GTPBP1: variants seen among roughly 807,000 people sequenced by gnomAD.
The protein encoded by GTPBP1 is GTP binding protein 1.
GTPBP1 carries 23 observed loss-of-function variants against 62.0 expected under a neutral mutation model. That is an observed-to-expected ratio of 0.37 (90% CI 0.27 to 0.53). The LOEUF (loss-of-function observed/expected upper bound fraction) is 0.53, where lower values mean the gene tolerates loss of function less well. Among genes scored for constraint, GTPBP1 ranks in the 20% least tolerant of loss-of-function variants. The pLI, the probability that GTPBP1 is intolerant of heterozygous loss-of-function variation, is 0.89. For synonymous variants in GTPBP1, 344 were observed against 364.4 expected (o/e 0.94, Z 0.64); for missense variants, 640 against 917.3 (o/e 0.70, Z 3.90).
rs1463955203 is a variant in GTPBP1, at chr22:38,730,387, T to C, written c.1918-225T>C. Among the ~76,000 whole-genome samples the C allele has an allele frequency of 6.6e-6, 1 of 152,212 alleles. No individual in the cohort carries two copies. The highest frequency in any genetic ancestry group is 1.5e-5 in the Non-Finnish European group (1 of 68,024). Reference sequence around the variant, plus strand: ...TCTCACACCCTCATCATGTGTGTCCTACCCACCCTGTAAGGAAGGCAGGGC... The same window carrying C: ...TCTCACACCCTCATCATGTGTGTCCCACCCACCCTGTAAGGAAGGCAGGGC... On this transcript the variant is annotated intron_variant, in intron 11 of 11. Transcript: ENST00000216044. This position sits in a 1 kb window ranked among gnomAD's most constrained non-coding sequence, Gnocchi z 5.6.
chr22:38,712,512 T>C (rs1164202685), intron 2 of GTPBP1, among the ~76,000 whole-genome samples: 1 of 152,126 alleles, frequency 6.6e-6, no homozygotes, highest in African/African-American at 2.4e-5. Flanking sequence ...TTGCAGCCTG[T>C]AGAAGAGGAG....
At chr22:38,738,431 C>T, downstream of GTPBP1, 1 of 1,167,542 alleles carries the variant, frequency 8.6e-7, no homozygotes, top group South Asian at 1.4e-5. This position sits in a 1 kb window ranked among gnomAD's most constrained non-coding sequence, Gnocchi z 6.6. Flanking sequence ...CCTAAGGTAA[C>T]AGGGACTGAA....
chr22:38,727,957 A>G lies in GTPBP1; in HGVS notation c.1538-26A>G. On this transcript the variant is annotated intron_variant, in intron 9 of 11. Coordinates refer to ENST00000216044, the MANE Select transcript of GTPBP1 (RefSeq NM_004286.5). This position sits in a 1 kb window ranked among gnomAD's most constrained non-coding sequence, Gnocchi z 6.5. ...TGAAGCCACCAGGTGGCTCCAGCCT[A>G]TCCTGACCTCTGGCTTCCTTGACAG... 1 of 1,604,054 alleles carries G rather than the reference A, an allele frequency of 6.2e-7. No individual in the cohort carries two copies. The highest frequency in any genetic ancestry group is 8.5e-7 in the Non-Finnish European group (1 of 1,171,240).
At chr22:38,740,053 C>T, downstream of GTPBP1, 1 of 1,333,102 alleles carries the variant, frequency 7.5e-7, no homozygotes, top group South Asian at 1.4e-5. This position sits in a 1 kb window ranked among gnomAD's most constrained non-coding sequence, Gnocchi z 4.8. Context: ...GGAGGGAGGC[C>T]ACTGGAGGAA....
chr22:38,737,614 A>T, downstream of GTPBP1: 1 of 302,008 alleles, frequency 3.3e-6, no homozygotes, highest in South Asian at 2.8e-5. This position sits in a 1 kb window ranked among gnomAD's most constrained non-coding sequence, Gnocchi z 4.1. Context: ...TCCACCTCCC[A>T]CTATCCCGCC....
At chr22:38,713,797 G>C (rs930787666) in intron 2 of GTPBP1, among the ~76,000 whole-genome samples, 1 of 152,208 alleles carries the variant, frequency 6.6e-6, no homozygotes, top group African/African-American at 2.4e-5. Flanking sequence ...CTGTGCTGTT[G>C]TTTAAAAGAG....
At chr22:38,739,238 C>A, downstream of GTPBP1, 3 of 1,316,894 alleles carry the variant, frequency 2.3e-6, no homozygotes, top group Non-Finnish European at 3.3e-6. This position sits in a 1 kb window ranked among gnomAD's most constrained non-coding sequence, Gnocchi z 6.7. Flanking sequence ...TTCTGCTGAT[C>A]CTGAGCTTTG....
chr22:38,741,110 G>C (rs1010749633), downstream of GTPBP1: 1 of 1,538,456 alleles, frequency 6.5e-7, no homozygotes, highest in Non-Finnish European at 8.8e-7. Context: ...GTGTTCCAGA[G>C]TAGGATCTGC....
intron 2 of GTPBP1, among the ~76,000 whole-genome samples, chr22:38,714,478 C>CA (rs34257833): frequency 0.085 from 3,795 of 44,820 alleles, 149 homozygotes; most frequent in Non-Finnish European, 0.13. Context: ...GACTCCATCT[C>CA]AAAAAAAAAA....
At chr22:38,741,690 C>T (rs2092859064), downstream of GTPBP1, 2 of 896,548 alleles carry the variant, frequency 2.2e-6, no homozygotes, top group South Asian at 3.0e-5. Context: ...AGCCCTGGCT[C>T]TCAGCCTTCT....
downstream of GTPBP1, chr22:38,740,599 A>G (rs970097245): frequency 1.2e-5 from 8 of 688,994 alleles, no homozygotes; most frequent in Admixed American, 1.0e-4. This position sits in a 1 kb window ranked among gnomAD's most constrained non-coding sequence, Gnocchi z 4.8. Context: ...TTCTGGCTGC[A>G]GAACCCCTGC....
chr22:38,718,413 G>C (rs1324936953), intron 4 of GTPBP1, among the ~76,000 whole-genome samples: 1 of 152,090 alleles, frequency 6.6e-6, no homozygotes, highest in African/African-American at 2.4e-5. Flanking sequence ...CCTTTCTGTA[G>C]AAAACAATGA....
intron 5 of GTPBP1, chr22:38,722,816 G>T (rs768128821): frequency 5.7e-6 from 9 of 1,591,502 alleles, no homozygotes; most frequent in Non-Finnish European, 7.7e-6. Context: ...CCAGTGTCCA[G>T]TTTGCTGGGC....
At chr22:38,718,666 G>A (rs371439068) in intron 4 of GTPBP1, among the ~76,000 whole-genome samples, 8 of 152,194 alleles carry the variant, frequency 5.3e-5, no homozygotes, top group South Asian at 4.1e-4. Flanking sequence ...CTCAGTGGGC[G>A]TCTCCGTGAC....
At chr22:38,708,511 G>A (rs914133358) in intron 1 of GTPBP1, among the ~76,000 whole-genome samples, 1 of 152,202 alleles carries the variant, frequency 6.6e-6, no homozygotes, top group Non-Finnish European at 1.5e-5. Context: ...CATGTAGATG[G>A]AAAGCACTGC....
Position 38,731,015 on chromosome 22 carries a change from TGTGTGTG to T in GTPBP1, c.*312_*318del, listed in dbSNP as rs1569287380. ...TATGTCTCTGTCTCTCTCTATTGTG[TGTGTGTG>T]TGTGTGTGTGTGTGTGTGTGTGTGT... On this transcript the variant is annotated 3_prime_UTR_variant, in exon 12 of 12. Transcript: ENST00000216044. 2.0e-5 allele frequency: 4 copies of T among 197,524 alleles called. No individual in the cohort carries two copies. Among genetic ancestry groups the T allele is most frequent in the African/African-American group, 1.1e-4 (3 of 26,876 alleles). The allele number at this position is 197,524 out of a possible 1,614,324, so 12.2% of individuals were successfully genotyped here.
Position 38,716,035 on chromosome 22 carries a change from C to A in GTPBP1, c.433C>A (p.Arg145Ser), listed in dbSNP as rs747456347. The A allele has an allele frequency of 2.5e-6, 4 of 1,613,546 alleles. No individual in the cohort carries two copies. Among genetic ancestry groups the A allele is most frequent in the African/African-American group, 1.3e-5 (1 of 74,992 alleles). ...ACGGCAAGAAGCTGGGGGCCGCGTG[C>A]GTGATTACCTGGTCCGGAAACGAGT... Reference protein sequence around the residue: ...RERQEAGGRVRDYLVRKRVGD... With the variant: ...RERQEAGGRVSDYLVRKRVGD... Residue 145 changes from arginine (R) to serine (S), a missense_variant, in exon 3 of 12, where the codon CGT becomes AGT. Coordinates refer to ENST00000216044, the MANE Select transcript of GTPBP1 (RefSeq NM_004286.5). This position sits in a 1 kb window ranked among gnomAD's most constrained non-coding sequence, Gnocchi z 5.2.
downstream of GTPBP1, chr22:38,742,761 T>C: frequency 1.6e-6 from 1 of 609,588 alleles, no homozygotes; most frequent in African/African-American, 1.9e-5. Context: ...GATCACTGGG[T>C]GCCGGCCACA....
downstream of GTPBP1, chr22:38,742,565 C>G: frequency 6.2e-7 from 1 of 1,602,150 alleles, no homozygotes; most frequent in East Asian, 2.2e-5. Context: ...CCTGGAAGGG[C>G]AGAGAGAGAG....
Sources: gnomAD v4.1 joint callset for allele counts (sites outside exome capture counted in the v4.1 genomes callset) on GRCh38, gnomAD v4.1.1 for gene constraint, Gnocchi (gnomAD v3.1) non-coding constraint, MANE v1.5 for transcripts, NCBI Gene and HGNC (gene_info 2026-07-23, HGNC 2026-07-21) for gene names.